The following ME1 variants were observed in gnomAD, a reference collection of about 807,000 sequenced individuals.
ME1 encodes NADP-dependent malic enzyme.
In ME1, 74 loss-of-function variants were observed where a neutral mutation model predicts 66.4. That is an observed-to-expected ratio of 1.11 (90% confidence interval 0.92 to 1.35). The LOEUF is 1.35. Ranked by LOEUF, ME1 falls within the 40% of genes most tolerant of loss-of-function variation. ME1 has a pLI of 0.00. For synonymous variants in ME1, 251 were observed against 235.6 expected (o/e 1.07, Z -0.60); for missense variants, 750 against 694.1 (o/e 1.08, Z -0.90).
chr6:83,366,474 G>A (rs1769102448), intron 3 of ME1, among the ~76,000 whole-genome samples: 1 of 152,008 alleles, frequency 6.6e-6, no homozygotes, highest in Non-Finnish European at 1.5e-5. Flanking sequence ...TGTGAAGAAG[G>A]AATTTGCCTT....
chr6:83,314,158 A>C (rs1332294799), intron 6 of ME1, among the ~76,000 whole-genome samples: 2 of 152,156 alleles, frequency 1.3e-5, no homozygotes. Context: ...AGAATATATT[A>C]CTAAATTATG....
At chr6:83,378,520 G>A (rs1201354602) in intron 3 of ME1, among the ~76,000 whole-genome samples, 24 of 152,086 alleles carry the variant, frequency 1.6e-4, no homozygotes. Context: ...ACATATGCCT[G>A]TAAATCAGGT....
In ME1 at chr6:83,211,673, C is replaced by T. The variant is rs1231062208; in HGVS notation, c.*251G>A. The T allele has an allele frequency of 7.2e-6, 2 of 276,730 alleles. No individual in the cohort carries two copies. The highest frequency in any genetic ancestry group is 1.3e-5 in the Non-Finnish European group (2 of 150,192). The allele number at this position is 276,730 out of a possible 1,614,324, so 17.1% of individuals were successfully genotyped here. ...ATGAGTTTCTCCGTAGTACGTACAA[C>T]AGCTTTTAAAGAGAACGTAGGCAGA... On this transcript the variant is annotated 3_prime_UTR_variant, in exon 14 of 14. Transcript: ENST00000369705.
At chr6:83,232,531 C>T (rs1790325323) in intron 9 of ME1, among the ~76,000 whole-genome samples, 1 of 152,026 alleles carries the variant, frequency 6.6e-6, no homozygotes, top group Non-Finnish European at 1.5e-5. Context: ...AATCTTTGGC[C>T]TCTGTTCTTT....
intron 5 of ME1, among the ~76,000 whole-genome samples, chr6:83,327,107 G>A (rs904430745): frequency 2.6e-5 from 4 of 152,158 alleles, no homozygotes; most frequent in African/African-American, 9.7e-5. Context: ...CAATACCCTT[G>A]TGATTTCCTA....
intron 1 of ME1, among the ~76,000 whole-genome samples, chr6:83,425,045 A>G (rs1223734979): frequency 2.6e-5 from 4 of 152,196 alleles, no homozygotes; most frequent in African/African-American, 9.6e-5. Context: ...CAAGGTCTCA[A>G]TCTGTCATAC....
Position 83,389,749 on chromosome 6 carries a change from A to C in ME1, c.362+8618T>G, listed in dbSNP as rs1769583340. Among the ~76,000 whole-genome samples, 3 of 152,258 alleles carry C rather than the reference A, an allele frequency of 2.0e-5. No individual in the cohort carries two copies. In the East Asian group the frequency reaches 5.8e-4, roughly 29 times the overall value. Reference sequence around the variant, plus strand: ...AAGTTTCACAAAATACAGGTAACTTAAGTAACACAGGAAGCTCAGCAGTCT... The same window carrying C: ...AAGTTTCACAAAATACAGGTAACTTCAGTAACACAGGAAGCTCAGCAGTCT... On this transcript the variant is annotated intron_variant, in intron 3 of 13. Coordinates refer to ENST00000369705, the MANE Select transcript of ME1 (RefSeq NM_002395.6).
chr6:83,298,386 C>G (rs1424477280), intron 6 of ME1, among the ~76,000 whole-genome samples: 1 of 151,834 alleles, frequency 6.6e-6, no homozygotes, highest in African/African-American at 2.4e-5. Context: ...GGTTCATGTC[C>G]TTTGCCCACT....
At chr6:83,279,703 GAAGT>G (rs1341361338) in intron 6 of ME1, among the ~76,000 whole-genome samples, 2 of 152,062 alleles carry the variant, frequency 1.3e-5, no homozygotes, top group East Asian at 1.9e-4. Context: ...AGAGAAGGAA[GAAGT>G]AAGTATTTGA....
Position 83,411,098 on chromosome 6 carries a change from G to C in ME1, c.79-3197C>G, listed in dbSNP as rs570121493. Among the ~76,000 whole-genome samples, 10 of 152,322 alleles carry C rather than the reference G, an allele frequency of 6.6e-5. No homozygotes were observed. In the South Asian group the frequency reaches 2.1e-3, roughly 32 times the overall value. ...ATTGTGGAGAAAAATACTCCTATGG[G>C]CCGGGCGTGGTGGCTCACGCCTGTA... is the stretch of plus-strand genomic sequence containing the variant. On this transcript the variant is annotated intron_variant, in intron 1 of 13. Transcript: ENST00000369705.
chr6:83,212,050 A>T lies in ME1; in HGVS notation c.1593T>A (p.Pro531=). 6.2e-7 allele frequency: 1 copy of T among 1,611,652 alleles called. No individual in the cohort carries two copies. The highest frequency in any genetic ancestry group is 8.5e-7 in the Non-Finnish European group (1 of 1,178,398). The change falls in exon 14 of 14, where the codon CCT becomes CCA. Residue 531 remains proline (P), a synonymous_variant. Coordinates refer to ENST00000369705, the MANE Select transcript of ME1 (RefSeq NM_002395.6). ...AYQEKTATVY[P]EPQNKEAFVR... ...CAAATGCTTCTTTGTTTTGCGGTTC[A>T]GGATAAACTGTGGCTGTCTTTTCTT...
chr6:83,381,304 G>C (rs1208944609), intron 3 of ME1, among the ~76,000 whole-genome samples: 3 of 152,212 alleles, frequency 2.0e-5, no homozygotes, highest in Non-Finnish European at 1.5e-5. Flanking sequence ...GGTTCAGGAT[G>C]GATTTGTACA....
intron 3 of ME1, among the ~76,000 whole-genome samples, chr6:83,355,940 T>C (rs952006930): frequency 1.3e-5 from 2 of 152,168 alleles, no homozygotes; most frequent in Non-Finnish European, 2.9e-5. Flanking sequence ...CTATTTTTGT[T>C]CTTGTTTCAT....
At chr6:83,345,368 T>G (rs1175066568) in intron 5 of ME1, among the ~76,000 whole-genome samples, 2 of 152,230 alleles carry the variant, frequency 1.3e-5, no homozygotes, top group Non-Finnish European at 2.9e-5. Context: ...ACTTTCTATG[T>G]GTAGGTTAAA....
intron 6 of ME1, among the ~76,000 whole-genome samples, chr6:83,281,631 C>T (rs529774853): frequency 6.6e-6 from 1 of 151,382 alleles, no homozygotes; most frequent in African/African-American, 2.4e-5. Context: ...GATGGTGAAA[C>T]CCCATCTCTA....
At chr6:83,387,218 G>C (rs894509989) in intron 3 of ME1, among the ~76,000 whole-genome samples, 2 of 151,842 alleles carry the variant, frequency 1.3e-5, no homozygotes, top group Admixed American at 6.6e-5. Context: ...AAAAAAGCCA[G>C]GTAGATTTAA....
chr6:83,231,028 G>C (rs973479065), intron 9 of ME1, among the ~76,000 whole-genome samples: 1 of 152,110 alleles, frequency 6.6e-6, no homozygotes, highest in Non-Finnish European at 1.5e-5. Context: ...TTTTTAAGAG[G>C]TTATGTGCTA....
At chr6:83,398,635 C>A in intron 2 of ME1, 119 bp from the exon 3 acceptor site, 1 of 551,276 alleles carries the variant, frequency 1.8e-6, no homozygotes, top group Admixed American at 3.6e-5. Context: ...TAGAAAACAT[C>A]TGATTAAAAA....
chr6:83,372,792 G>A (rs1234552606), intron 3 of ME1, among the ~76,000 whole-genome samples: 1 of 152,130 alleles, frequency 6.6e-6, no homozygotes, highest in Non-Finnish European at 1.5e-5. Flanking sequence ...ACTGTTGAGG[G>A]AGACACTCAT....
Sources: allele counts gnomAD v4.1 joint callset (sites outside exome capture counted in the v4.1 genomes callset), GRCh38; gene constraint gnomAD v4.1.1; transcripts MANE v1.5; gene names NCBI Gene and HGNC (gene_info 2026-07-23, HGNC 2026-07-21).